The following GPR158 variants were observed in gnomAD, a reference collection of about 807,000 sequenced individuals.
GPR158 encodes metabotropic glycine receptor.
GPR158 carries 30 observed loss-of-function variants against 78.2 expected under a neutral mutation model. That is an observed-to-expected ratio of 0.38 (90% confidence interval 0.29 to 0.52). GPR158 has a LOEUF of 0.52. Among genes scored for constraint, GPR158 ranks in the 20% least tolerant of loss-of-function variants. The probability of loss-of-function intolerance (pLI) is 0.83; values close to 1 mark genes in which losing one functional copy is unlikely to be tolerated. For missense variants in GPR158, 1,463 were observed against 1,523.5 expected (o/e 0.96, Z 0.66); for synonymous variants, 581 against 591.1 (o/e 0.98, Z 0.25).
chr10:25,278,921 A>G (rs1319710383), intron 2 of GPR158, among the ~76,000 whole-genome samples: 1 of 152,008 alleles, frequency 6.6e-6, no homozygotes, highest in Non-Finnish European at 1.5e-5. Context: ...TAGATAAAAT[A>G]ATCCCAGAAA....
At chr10:25,435,428 GA>G (rs1043283942) in intron 4 of GPR158, among the ~76,000 whole-genome samples, 7 of 152,230 alleles carry the variant, frequency 4.6e-5, no homozygotes, top group African/African-American at 1.7e-4. Flanking sequence ...AGGAGGTGGG[GA>G]TGGGGGGAAG....
At chr10:25,465,046 G>A (rs1181586675) in intron 4 of GPR158, among the ~76,000 whole-genome samples, 1 of 151,556 alleles carries the variant, frequency 6.6e-6, no homozygotes, top group Non-Finnish European at 1.5e-5. Context: ...GTTTTTTTTT[G>A]AGGGTTACAC....
At chr10:25,305,911 G>T (rs1367797957) in intron 2 of GPR158, among the ~76,000 whole-genome samples, 2 of 152,256 alleles carry the variant, frequency 1.3e-5, no homozygotes, top group South Asian at 2.1e-4. Flanking sequence ...TTGTGGCTCA[G>T]TCTCCAAAAA....
chr10:25,276,733 T>C (rs748932709), intron 2 of GPR158, among the ~76,000 whole-genome samples: 12 of 152,096 alleles, frequency 7.9e-5, no homozygotes, highest in Non-Finnish European at 1.3e-4. Flanking sequence ...CAGAGACCAT[T>C]TTTAATCAAG....
At chr10:25,372,021 A>G (rs1834001147) in intron 2 of GPR158, among the ~76,000 whole-genome samples, 1 of 151,818 alleles carries the variant, frequency 6.6e-6, no homozygotes, top group Non-Finnish European at 1.5e-5. Context: ...ACAAAAACAA[A>G]CAACCCCGTC....
chr10:25,192,623 T>C (rs1852787283), intron 1 of GPR158, among the ~76,000 whole-genome samples: 1 of 152,168 alleles, frequency 6.6e-6, no homozygotes, highest in East Asian at 1.9e-4. Flanking sequence ...ATCTTATATA[T>C]GTAAAGAGGC....
chr10:25,412,360 T>C lies in GPR158; in HGVS notation c.1222T>C (p.Cys408Arg). ...CCCCTTCTGTGCTGATGACAGCCCA[T>C]GCTTCGTCCAGGAAGATAAGTATTT... Reference protein sequence around the residue: ...GCPFCADDSPCFVQEDKYLRL... With the variant: ...GCPFCADDSPRFVQEDKYLRL... Residue 408 changes from cysteine (C) to arginine (R), a missense_variant, in exon 4 of 11, where the codon TGC becomes CGC. By Grantham distance (180) the Cys-to-Arg change is radical (BLOSUM62 -3). Transcript: ENST00000376351. 1 of 1,613,638 alleles carries C rather than the reference T, an allele frequency of 6.2e-7. No individual in the cohort carries two copies. Among genetic ancestry groups the C allele is most frequent in the Non-Finnish European group, 8.5e-7 (1 of 1,179,478 alleles).
At chr10:25,417,499 TA>T (rs1229387634) in intron 4 of GPR158, among the ~76,000 whole-genome samples, 1 of 152,086 alleles carries the variant, frequency 6.6e-6, no homozygotes, top group African/African-American at 2.4e-5. Flanking sequence ...GCATGAAATC[TA>T]TTTTTTCTCC....
At chr10:25,426,979 TAG>T (rs59404382) in intron 4 of GPR158, among the ~76,000 whole-genome samples, 106,010 of 151,648 alleles carry the variant, frequency 0.7, 38,052 homozygotes, top group Non-Finnish European at 0.8. Flanking sequence ...TAATTCAAAT[TAG>T]ATAGTTTTAA....
chr10:25,576,019 A>T (rs1837089442), intron 7 of GPR158, among the ~76,000 whole-genome samples: 1 of 141,284 alleles, frequency 7.1e-6, no homozygotes, highest in African/African-American at 2.8e-5. Flanking sequence ...CCCTACCTCC[A>T]AAGTCATTCA....
chr10:25,329,500 A>G (rs1224598620), intron 2 of GPR158, among the ~76,000 whole-genome samples: 1 of 151,608 alleles, frequency 6.6e-6, no homozygotes, highest in Non-Finnish European at 1.5e-5. Flanking sequence ...CAAATATTCA[A>G]TGGTTTTAAG....
At chr10:25,332,739 C>T (rs190484081) in intron 2 of GPR158, among the ~76,000 whole-genome samples, 2 of 152,280 alleles carry the variant, frequency 1.3e-5, no homozygotes, top group East Asian at 3.9e-4. Flanking sequence ...TCAAAGAGAA[C>T]ATTTCAATTT....
chr10:25,510,325 A>G (rs1836068471), intron 5 of GPR158, among the ~76,000 whole-genome samples: 1 of 152,234 alleles, frequency 6.6e-6, no homozygotes. Flanking sequence ...AAAAGTATAT[A>G]CTATATAGCT....
In GPR158 at chr10:25,378,935, A is replaced by G. The variant is rs943679267; in HGVS notation, c.1009-16976A>G. 5.9e-5 allele frequency among the ~76,000 whole-genome samples: 9 copies of G among 152,208 alleles called. No homozygotes were observed. The South Asian group carries it at 1.5e-3, about 25-fold the overall frequency. On this transcript the variant is annotated intron_variant, in intron 2 of 10. Coordinates refer to ENST00000376351, the MANE Select transcript of GPR158 (RefSeq NM_020752.3). Reference sequence around the variant, plus strand: ...GCCCCGAGTAGCTGGAACGACAGACATGTACTACTACACCTTGCTGATTTA... The same window carrying G: ...GCCCCGAGTAGCTGGAACGACAGACGTGTACTACTACACCTTGCTGATTTA...
intron 1 of GPR158, among the ~76,000 whole-genome samples, chr10:25,188,976 C>T (rs1564386527): frequency 6.6e-6 from 1 of 152,146 alleles, no homozygotes; most frequent in Non-Finnish European, 1.5e-5. Flanking sequence ...GGGCAAAGGA[C>T]ATGAATGGAC....
intron 6 of GPR158, among the ~76,000 whole-genome samples, chr10:25,562,528 C>A (rs1836872915): frequency 6.6e-6 from 1 of 152,100 alleles, no homozygotes; most frequent in African/African-American, 2.4e-5. Context: ...TTGGTACTTC[C>A]TTAACCCATT....
At position 25,231,165 on chromosome 10, in the gene GPR158, G is replaced by A. The variant is rs1039900848; in HGVS notation, c.1008+10008G>A. Reference sequence around the variant, plus strand: ...GCAAACTATTATTCAGCATTGCCACGTTCATTCAAGCTAGCTTATAGGAGT... The same window carrying A: ...GCAAACTATTATTCAGCATTGCCACATTCATTCAAGCTAGCTTATAGGAGT... On this transcript the variant is annotated intron_variant, in intron 2 of 10. Coordinates refer to ENST00000376351, the MANE Select transcript of GPR158 (RefSeq NM_020752.3). Among the ~76,000 whole-genome samples the A allele has an allele frequency of 2.5e-4, 38 of 152,096 alleles. 2 individuals carry two copies. Among genetic ancestry groups the A allele is most frequent in the Non-Finnish European group, 7.4e-5 (5 of 68,016 alleles).
At position 25,243,066 on chromosome 10, in the gene GPR158, T is replaced by C. The variant is rs148320866; in HGVS notation, c.1008+21909T>C. On this transcript the variant is annotated intron_variant, in intron 2 of 10. Transcript: ENST00000376351. ...ACCAGACAATGGTTGCTGCTGCTAC[T>C]ACATCAAGTGCAATCTTGCCACCAC... is the stretch of plus-strand genomic sequence containing the variant. Among the ~76,000 whole-genome samples the C allele has an allele frequency of 1.4e-3, 213 of 152,366 alleles. 1 individual carries two copies. Among genetic ancestry groups the C allele is most frequent in the African/African-American group, 5.0e-3 (209 of 41,586 alleles).
intron 2 of GPR158, among the ~76,000 whole-genome samples, chr10:25,372,797 A>C (rs1834017790): frequency 6.6e-6 from 1 of 151,702 alleles, no homozygotes; most frequent in African/African-American, 2.4e-5. Context: ...AGCATGGAAC[A>C]GGTATACATA....
Sources: allele counts gnomAD v4.1 joint callset (sites outside exome capture counted in the v4.1 genomes callset), GRCh38; gene constraint gnomAD v4.1.1; transcripts MANE v1.5; gene names NCBI Gene and HGNC (gene_info 2026-07-23, HGNC 2026-07-21).